GRSF1: variants seen among roughly 807,000 people sequenced by gnomAD.
GRSF1 encodes the protein G-rich RNA sequence binding factor 1, also known as G-rich sequence factor 1.
Under a neutral mutation model 51.1 loss-of-function variants are expected in GRSF1, and 50 were observed. The observed-to-expected ratio is 0.98, with a 90% CI of 0.78 to 1.24. The LOEUF is 1.24. Among genes scored for constraint, GRSF1 ranks in the 50% most tolerant of loss-of-function variants. The pLI, the probability that GRSF1 is intolerant of heterozygous loss-of-function variation, is 0.00. For missense variants in GRSF1, 700 were observed against 639.7 expected (o/e 1.09, Z -1.02); for synonymous variants, 293 against 253.3 (o/e 1.16, Z -1.49).
At chr4:70,833,646 T>C (rs372657922) in intron 2 of GRSF1, among the ~76,000 whole-genome samples, 12 of 152,362 alleles carry the variant, frequency 7.9e-5, no homozygotes, top group African/African-American at 2.9e-4. Flanking sequence ...CATAGGTCTC[T>C]AAAATATTTC....
Position 70,839,764 on chromosome 4 carries a change from A to C in GRSF1, c.64T>G (p.Cys22Gly). The change falls in exon 1 of 10, where the codon TGC becomes GGC. Residue 22 changes from cysteine to glycine, a missense_variant. Transcript: ENST00000254799. ...AGGCAGGCGGCGCCGGTGCGCCGGCAGCTGCTGCAGTTACAGCCGCAGCCC... is the reference window on the plus strand; with the variant it reads ...AGGCAGGCGGCGCCGGTGCGCCGGCCGCTGCTGCAGTTACAGCCGCAGCCC... ...LRGCGCNCSSCRRTGAACLPF... is the reference protein window; with the variant it reads ...LRGCGCNCSSGRRTGAACLPF... 6.6e-7 allele frequency: 1 copy of C among 1,503,952 alleles called. No individual in the cohort carries two copies. The highest frequency in any genetic ancestry group is 2.3e-4 in the Middle Eastern group (1 of 4,296). The allele number at this position is 1,503,952 out of a possible 1,614,324, so 93.2% of individuals were successfully genotyped here. A position where few individuals can be genotyped will look rare whatever the true frequency, so the allele number is the denominator to read the frequency against.
upstream of GRSF1, among the ~76,000 whole-genome samples, chr4:70,842,958 T>C (rs1289927094): frequency 6.6e-6 from 1 of 152,020 alleles, no homozygotes; most frequent in Non-Finnish European, 1.5e-5. Flanking sequence ...AAACTGACCC[T>C]AAAACCGGAG....
intron 1 of GRSF1, among the ~76,000 whole-genome samples, chr4:70,838,136 G>A (rs1434186975): frequency 6.9e-6 from 1 of 144,308 alleles, no homozygotes; most frequent in Non-Finnish European, 1.5e-5. Flanking sequence ...GGAGAATGGC[G>A]TGAACCCGGA....
chr4:70,839,131 G>A (rs553805188), intron 1 of GRSF1: 2 of 1,308,576 alleles, frequency 1.5e-6, no homozygotes, highest in Non-Finnish European at 2.0e-6. Flanking sequence ...CCGGCGGAAA[G>A]CAAGAAGATG....
intron 1 of GRSF1, chr4:70,839,203 C>G: frequency 7.1e-7 from 1 of 1,416,130 alleles, no homozygotes; most frequent in Non-Finnish European, 9.3e-7. Flanking sequence ...AACAAGGCCT[C>G]AACATTCACC....
At position 70,825,370 on chromosome 4, in the gene GRSF1, G is replaced by A; in HGVS notation, c.1319C>T (p.Thr440Ile). The stretch of plus-strand genomic sequence containing the variant: ...CTCAAAGTGCACATCAGCTTCTCCA[G>A]TGGCCTTCCCACTGGAGCTGTATTC... ...TMEYSSSGKA[T>I]GEADVHFETH... is the part of the protein sequence containing the mutation. Residue 440 changes from threonine (T) to isoleucine (I), a missense_variant, in exon 8 of 10, where the codon ACT becomes ATT. Physicochemically the swap from Thr to Ile is moderately conservative, Grantham distance 89. Coordinates refer to ENST00000254799, the MANE Select transcript of GRSF1 (RefSeq NM_002092.4). The A allele has an allele frequency of 6.2e-7, 1 of 1,611,986 alleles. No homozygotes were observed. The highest frequency in any genetic ancestry group is 8.5e-7 in the Non-Finnish European group (1 of 1,178,500).
At chr4:70,836,014 A>C (rs1734191999) in intron 2 of GRSF1, 144 bp downstream of exon 2, 1 of 491,786 alleles carries the variant, frequency 2.0e-6, no homozygotes. Flanking sequence ...AACCATCAAA[A>C]AGGAAGGTGA....
upstream of GRSF1, among the ~76,000 whole-genome samples, chr4:70,840,413 G>A (rs1392742520): frequency 6.6e-6 from 1 of 152,200 alleles, no homozygotes; most frequent in Non-Finnish European, 1.5e-5. Flanking sequence ...ACTGCCTGAG[G>A]TCAGGAGTTC....
In GRSF1 at chr4:70,839,864, C is replaced by G. The variant is rs1395508585; in HGVS notation, c.-37G>C. On this transcript the variant is annotated 5_prime_UTR_variant, in exon 1 of 10. Transcript: ENST00000254799. The stretch of plus-strand genomic sequence containing the variant: ...GCGGCGCAGGGCCTGAAGGCAGCTG[C>G]TCCAGCAGCGATGGTGGAACGGAAG... 6.2e-6 allele frequency: 9 copies of G among 1,442,352 alleles called. No homozygotes were observed. The highest frequency in any genetic ancestry group is 1.4e-5 in the South Asian group (1 of 72,576). 89.3% of individuals were successfully genotyped at this position (1,442,352 alleles called of 1,614,324 possible).
Position 70,839,851 on chromosome 4 carries a change from C to A in GRSF1, c.-24G>T, listed in dbSNP as rs1163561660. ...ATGGACTCCGGAGGCGGCGCAGGGC[C>A]TGAAGGCAGCTGCTCCAGCAGCGAT... On this transcript the variant is annotated 5_prime_UTR_variant, in exon 1 of 10. The change creates a new upstream start codon in the 5' untranslated region. Transcript: ENST00000254799. 7 of 1,461,394 alleles carry A rather than the reference C, an allele frequency of 4.8e-6. No individual in the cohort carries two copies. The South Asian group carries it at 6.6e-5, about 14-fold the overall frequency. 90.5% of individuals were successfully genotyped at this position (1,461,394 alleles called of 1,614,324 possible).
At chr4:70,826,833 A>AC (rs1195699713) in intron 6 of GRSF1, among the ~76,000 whole-genome samples, 2 of 151,674 alleles carry the variant, frequency 1.3e-5, no homozygotes, top group East Asian at 3.9e-4. Context: ...GGGCCACAGA[A>AC]CAAGACTTTG....
intron 6 of GRSF1, among the ~76,000 whole-genome samples, chr4:70,827,344 C>G (rs1454983655): frequency 6.6e-6 from 1 of 152,030 alleles, no homozygotes; most frequent in African/African-American, 2.4e-5. Context: ...CAAATCTTCC[C>G]CCATCTTAAT....
At chr4:70,841,339 G>C (rs1183203833), upstream of GRSF1, among the ~76,000 whole-genome samples, 1 of 152,122 alleles carries the variant, frequency 6.6e-6, no homozygotes, top group African/African-American at 2.4e-5. Flanking sequence ...ACATAACAAA[G>C]GTGAACCCTC....
chr4:70,828,569 G>C (rs113226205), intron 5 of GRSF1, among the ~76,000 whole-genome samples: 162 of 151,818 alleles, frequency 1.1e-3, no homozygotes, highest in African/African-American at 3.9e-3. Context: ...CAAGCTTCTG[G>C]AACAATTTTT....
At chr4:70,826,392 A>G (rs1733738963) in intron 6 of GRSF1, 147 bp from the exon 7 acceptor site, 1 of 631,270 alleles carries the variant, frequency 1.6e-6, no homozygotes, top group East Asian at 2.9e-5. Flanking sequence ...TCTGCCACTC[A>G]ACAAATATCA....
chr4:70,826,952 G>C (rs536127323), intron 6 of GRSF1, among the ~76,000 whole-genome samples: 3 of 152,134 alleles, frequency 2.0e-5, no homozygotes, highest in Non-Finnish European at 4.4e-5. Flanking sequence ...TGTTGCCCTG[G>C]GTTAGGAATC....
chr4:70,840,839 CTG>C, upstream of GRSF1, among the ~76,000 whole-genome samples: 1 of 152,086 alleles, frequency 6.6e-6, no homozygotes, highest in African/African-American at 2.4e-5. Context: ...CAAGTCTGTG[CTG>C]CCCTGCGCTG....
In GRSF1 at chr4:70,832,303, G is replaced by A. The variant is rs971642103; in HGVS notation, c.814+4C>T. The A allele has an allele frequency of 1.2e-6, 2 of 1,612,454 alleles. No individual in the cohort carries two copies. The highest frequency in any genetic ancestry group is 2.7e-5 in the African/African-American group (2 of 74,996). On this transcript the variant is annotated splice_donor_region_variant and intron_variant, in intron 4 of 9. Transcript: ENST00000254799. Reference sequence around the variant, plus strand: ...CTCCCAAGCATAATACAACTGCAAAGTACCTGCAAAGAAGTCTACAATGTC... The same window carrying A: ...CTCCCAAGCATAATACAACTGCAAAATACCTGCAAAGAAGTCTACAATGTC...
upstream of GRSF1, chr4:70,839,924 T>G: frequency 2.0e-5 from 21 of 1,037,842 alleles, no homozygotes; most frequent in Non-Finnish European, 1.5e-5. Context: ...GGGGTGTGCC[T>G]GGCACATGCG....
Sources: gnomAD v4.1 joint callset for allele counts (sites outside exome capture counted in the v4.1 genomes callset) on GRCh38, gnomAD v4.1.1 for gene constraint, MANE v1.5 for transcripts, NCBI Gene and HGNC (gene_info 2026-07-23, HGNC 2026-07-21) for gene names.